ZNF469: variants seen among roughly 807,000 people sequenced by gnomAD.
ZNF469 encodes the protein zinc finger protein 469.
In ZNF469, 1 loss-of-function variant was observed where a neutral mutation model predicts 1.0. The observed-to-expected ratio is 1.00, with a 90% CI of 0.35 to 4.73. The LOEUF is 4.73. Among genes scored for constraint, ZNF469 ranks in the 30% most tolerant of loss-of-function variants. The pLI is 0.16. For synonymous variants in ZNF469, 2,703 were observed against 2,363.4 expected, an observed-to-expected ratio of 1.14 and a Z score of -4.17; for missense variants, 6,100 against 5,356.3, an observed-to-expected ratio of 1.14 and a Z score of -4.33.
At chr16:88,373,527 C>G in the ZNF469 span, among the ~76,000 whole-genome samples, 1 of 152,224 alleles carries the variant, frequency 6.6e-6, no homozygotes, top group Admixed American at 6.5e-5. Flanking sequence ...GCATCTCTCC[C>G]TCTCTGGGCC....
Position 88,433,389 on chromosome 16 carries a change from T to C in ZNF469, c.5919T>C (p.His1973=). The stretch of plus-strand genomic sequence containing the variant: ...CAACTCTCCCTGCAGTGGCCGGACA[T>C]CAGCTGGGGCTGGAGGCAGATGGAC... ...QVTTLPAVAG[H]QLGLEADGHW... Residue 1973 remains histidine, a synonymous_variant, in exon 3 of 3, where the codon CAT becomes CAC. Transcript: ENST00000565624. 1 of 1,550,256 alleles carries C rather than the reference T, an allele frequency of 6.5e-7. No individual in the cohort carries two copies. The highest frequency in any genetic ancestry group is 8.7e-7 in the Non-Finnish European group (1 of 1,146,924).
the ZNF469 span, among the ~76,000 whole-genome samples, chr16:88,251,342 A>G: frequency 6.6e-5 from 10 of 152,128 alleles, no homozygotes; most frequent in African/African-American, 2.4e-4. Context: ...TAACATTTGG[A>G]CATTGCATGT....
At position 88,413,500 on chromosome 16, in the gene ZNF469, C is replaced by G. The variant is rs921645197; in HGVS notation, c.-191-11307C>G. Among the ~76,000 whole-genome samples the G allele has an allele frequency of 4.6e-5, 7 of 152,380 alleles. No individual in the cohort carries two copies. The South Asian group carries it at 1.4e-3, about 32-fold the overall frequency. On this transcript the variant is annotated intron_variant, in intron 1 of 2. Coordinates refer to ENST00000565624, the MANE Select transcript of ZNF469 (RefSeq NM_001367624.2). ...TTCTGAAAGCAGGGAGCCCTGGGCTCTGTGGCAGCCCTGCTCAGCCCCACT... is the reference window on the plus strand; with the variant it reads ...TTCTGAAAGCAGGGAGCCCTGGGCTGTGTGGCAGCCCTGCTCAGCCCCACT...
At chr16:88,255,851 T>C in the ZNF469 span, among the ~76,000 whole-genome samples, 1 of 152,168 alleles carries the variant, frequency 6.6e-6, no homozygotes, top group East Asian at 1.9e-4. Context: ...GGTTGGAATG[T>C]CTCTGGTCGG....
chr16:88,260,082 A>AT, the ZNF469 span, among the ~76,000 whole-genome samples: 1 of 150,300 alleles, frequency 6.7e-6, no homozygotes, highest in Admixed American at 6.6e-5. This position sits in a 1 kb window ranked among gnomAD's most constrained non-coding sequence, Gnocchi z 4.1. Flanking sequence ...GGTTCACGTG[A>AT]TTTTCCTGCC....
Position 88,438,718 on chromosome 16 carries a change from C to A in ZNF469, c.11248C>A (p.Pro3750Thr). The A allele has an allele frequency of 6.5e-7, 1 of 1,550,038 alleles. No homozygotes were observed. Among genetic ancestry groups the A allele is most frequent in the Non-Finnish European group, 8.7e-7 (1 of 1,146,858 alleles). ...CACCAAGACAGGAGGTGGCAGCCAG[C>A]CCCAGCCAGCCAGCGGGCAGCTCCA... is the stretch of plus-strand genomic sequence containing the variant. The part of the protein sequence containing the change: ...PGTKTGGGSQ[P>T]QPASGQLQSE... Residue 3750 changes from proline to threonine, a missense_variant, in exon 3 of 3, where the codon CCC (proline) becomes ACC (threonine). By Grantham distance (38) the Pro-to-Thr change is conservative (BLOSUM62 -1). Coordinates refer to ENST00000565624, the MANE Select transcript of ZNF469 (RefSeq NM_001367624.2).
At chr16:88,318,536 TG>T in the ZNF469 span, among the ~76,000 whole-genome samples, 6 of 151,984 alleles carry the variant, frequency 3.9e-5, no homozygotes, top group East Asian at 1.2e-3. Context: ...GGAGACGCGG[TG>T]GCCCCTGCCT....
At chr16:88,135,177 G>A in the ZNF469 span, among the ~76,000 whole-genome samples, 1 of 152,246 alleles carries the variant, frequency 6.6e-6, no homozygotes, top group Non-Finnish European at 1.5e-5. Flanking sequence ...CCGTGGGGCA[G>A]GGCTATGAAG....
intron 1 of ZNF469, among the ~76,000 whole-genome samples, chr16:88,386,674 G>A (rs192535535): frequency 1.3e-4 from 20 of 152,318 alleles, no homozygotes; most frequent in Admixed American, 1.1e-3. Flanking sequence ...TACCTCGAGA[G>A]ACCAGCCGCT....
At chr16:88,132,196 C>A in the ZNF469 span, among the ~76,000 whole-genome samples, 1 of 152,238 alleles carries the variant, frequency 6.6e-6, no homozygotes, top group Non-Finnish European at 1.5e-5. Context: ...GCCAGGCCCC[C>A]ACCCCTACCC....
the ZNF469 span, among the ~76,000 whole-genome samples, chr16:88,196,546 C>A: frequency 4.6e-5 from 7 of 152,300 alleles, no homozygotes; most frequent in South Asian, 1.4e-3. Context: ...ACTTCCCCTC[C>A]AGCCACTCCA....
At chr16:88,135,754 T>A in the ZNF469 span, among the ~76,000 whole-genome samples, 3,357 of 116,522 alleles carry the variant, frequency 0.029, 717 homozygotes, top group African/African-American at 0.11. Flanking sequence ...CCATGTTTTT[T>A]TTTTTTTTTT....
At chr16:88,354,988 C>T in the ZNF469 span, among the ~76,000 whole-genome samples, 10 of 152,092 alleles carry the variant, frequency 6.6e-5, no homozygotes, top group Non-Finnish European at 1.3e-4. Flanking sequence ...TCTCTAGGCC[C>T]TTGTCCCCGC....
At chr16:88,179,094 C>G in the ZNF469 span, among the ~76,000 whole-genome samples, 2 of 152,298 alleles carry the variant, frequency 1.3e-5, no homozygotes, top group African/African-American at 4.8e-5. Context: ...GTAATTTTGT[C>G]CGGAGCAGTC....
At chr16:88,362,058 A>G in the ZNF469 span, among the ~76,000 whole-genome samples, 1 of 152,208 alleles carries the variant, frequency 6.6e-6, no homozygotes, top group African/African-American at 2.4e-5. Flanking sequence ...CTGTAGCTTT[A>G]GATTGATTCT....
Position 88,429,800 on chromosome 16 carries a change from C to T in ZNF469, c.2330C>T (p.Pro777Leu), listed in dbSNP as rs1358015025. 2 of 1,545,346 alleles carry T rather than the reference C, an allele frequency of 1.3e-6. No individual in the cohort carries two copies. Among genetic ancestry groups the T allele is most frequent in the Non-Finnish European group, 8.7e-7 (1 of 1,144,300 alleles). Residue 777 changes from proline to leucine, a missense_variant, in exon 3 of 3, where the codon CCC becomes CTC. Transcript: ENST00000565624. ...SPGPPGLPSP[P>L]AAPRVPADAH... ...GGCCCCCCTGGGCTCCCCTCGCCCC[C>T]CGCTGCCCCCAGAGTCCCTGCCGAC...
chr16:88,329,206 C>T, the ZNF469 span, among the ~76,000 whole-genome samples: 11,834 of 152,164 alleles, frequency 0.078, 506 homozygotes, highest in East Asian at 0.13. Flanking sequence ...CGCTGCTGTC[C>T]GTGACTGGGC....
upstream of ZNF469, among the ~76,000 whole-genome samples, chr16:88,381,351 CTTAT>C: frequency 1.3e-5 from 2 of 149,778 alleles, no homozygotes; most frequent in Admixed American, 6.7e-5. Context: ...CAGACACACA[CTTAT>C]ACACACATGC....
the ZNF469 span, among the ~76,000 whole-genome samples, chr16:88,327,255 A>G: frequency 1.3e-5 from 2 of 151,838 alleles, no homozygotes; most frequent in African/African-American, 4.8e-5. Flanking sequence ...CCTCCCCGGC[A>G]CTGGTTCTCT....
Sources: allele counts gnomAD v4.1 joint callset (sites outside exome capture counted in the v4.1 genomes callset), GRCh38; gene constraint gnomAD v4.1.1; non-coding constraint Gnocchi (gnomAD v3.1); transcripts MANE v1.5; gene names NCBI Gene and HGNC (gene_info 2026-07-23, HGNC 2026-07-21).